PAK1: variants seen among roughly 807,000 people sequenced by gnomAD.
PAK1 encodes p21 (RAC1) activated kinase 1.
PAK1 carries 29 observed loss-of-function variants against 67.4 expected under a neutral mutation model. The observed-to-expected ratio is 0.43, with a 90% CI of 0.32 to 0.59. The LOEUF (loss-of-function observed/expected upper bound fraction) is 0.59, where lower values mean the gene tolerates loss of function less well. Ranked by LOEUF, PAK1 falls within the 20% of genes least tolerant of loss-of-function variation. PAK1 has a pLI of 0.07. For missense variants in PAK1, 337 were observed against 670.7 expected (o/e 0.50, Z 5.50); for synonymous variants, 223 against 237.4 (o/e 0.94, Z 0.56).
At chr11:77,340,558 A>C in intron 11 of PAK1, 88 bp downstream of exon 11, 2 of 762,040 alleles carry the variant, frequency 2.6e-6, no homozygotes, top group South Asian at 2.8e-5. Context: ...CACAGAGCCC[A>C]GGCTGAGATC....
chr11:77,334,184 A>G (rs1457070011), intron 13 of PAK1, among the ~76,000 whole-genome samples: 1 of 147,134 alleles, frequency 6.8e-6, no homozygotes, highest in African/African-American at 2.5e-5. Context: ...AAAAAATAAA[A>G]TAAAAATAAA....
the PAK1 span, among the ~76,000 whole-genome samples, chr11:77,503,807 G>A: frequency 1.5e-4 from 23 of 152,194 alleles, no homozygotes; most frequent in African/African-American, 4.3e-4. Context: ...AGCCATGATC[G>A]CACCACTCAA....
intron 1 of PAK1, among the ~76,000 whole-genome samples, chr11:77,444,583 T>C (rs75036351): frequency 0.011 from 1,645 of 152,332 alleles, 10 homozygotes; most frequent in Middle Eastern, 0.027. Flanking sequence ...AATGGCCATG[T>C]AAGTTAAAAT....
At position 77,331,909 on chromosome 11, in the gene PAK1, A is replaced by G. The variant is rs116587331; in HGVS notation, c.1551+821T>C. Among the ~76,000 whole-genome samples the G allele has an allele frequency of 5.1e-3, 773 of 152,260 alleles. 10 individuals carry two copies. Among genetic ancestry groups the G allele is most frequent in the African/African-American group, 0.017 (722 of 41,552 alleles). ...TCCTTTGAGCTAATCCCAGCAAAAT[A>G]TAAGTTGTGTAAGATTTGGGTGTCA... On this transcript the variant is annotated intron_variant, in intron 14 of 14. Coordinates refer to ENST00000356341, the MANE Select transcript of PAK1 (RefSeq NM_002576.5).
At chr11:77,349,853 G>A (rs951955780) in intron 8 of PAK1, among the ~76,000 whole-genome samples, 4 of 151,896 alleles carry the variant, frequency 2.6e-5, no homozygotes, top group Non-Finnish European at 5.9e-5. Flanking sequence ...ATTTCAGAAT[G>A]TGTTTGGGGG....
rs1048776988 is a variant in PAK1 at position 77,473,797 on chromosome 11, G to A, written c.-267C>T. The stretch of plus-strand genomic sequence containing the variant: ...GGGGGAAGGGGGGACTGAGGGGCGA[G>A]GTGCGAAGGGCTCAGATGGCCTCTG... On this transcript the variant is annotated 5_prime_UTR_variant, in exon 1 of 15. Coordinates refer to ENST00000356341, the MANE Select transcript of PAK1 (RefSeq NM_002576.5). 6.6e-6 allele frequency: 1 copy of A among 151,792 alleles called. No individual in the cohort carries two copies. The highest frequency in any genetic ancestry group is 2.0e-4 in the East Asian group (1 of 5,112). 9.4% of individuals were successfully genotyped at this position (151,792 alleles called of 1,614,324 possible).
chr11:77,473,214 C>T (rs73496888), intron 1 of PAK1, among the ~76,000 whole-genome samples: 4,389 of 152,268 alleles, frequency 0.029, 197 homozygotes, highest in African/African-American at 0.099. Context: ...AAGTTCGGGA[C>T]GGACTCGGTC....
intron 1 of PAK1, among the ~76,000 whole-genome samples, chr11:77,470,119 T>C (rs1275396897): frequency 6.6e-6 from 1 of 152,166 alleles, no homozygotes; most frequent in East Asian, 1.9e-4. Context: ...AAAAATAACA[T>C]GGAGAGGGAT....
At chr11:77,461,477 C>T (rs1278901086) in intron 1 of PAK1, among the ~76,000 whole-genome samples, 4 of 152,184 alleles carry the variant, frequency 2.6e-5, no homozygotes, top group African/African-American at 9.7e-5. Context: ...AATTATTCTA[C>T]TGGTTCTGTT....
intron 11 of PAK1, 58 bp from the exon 12 acceptor site, chr11:77,337,481 C>G: frequency 1.2e-6 from 1 of 849,662 alleles, no homozygotes; most frequent in Admixed American, 2.5e-5. Context: ...ATACAGAAGA[C>G]TTAATAGAAA....
At chr11:77,438,758 T>C (rs910418908) in intron 1 of PAK1, among the ~76,000 whole-genome samples, 12 of 152,212 alleles carry the variant, frequency 7.9e-5, no homozygotes, top group African/African-American at 2.9e-4. Context: ...GTGTATGACA[T>C]TGGGCAGATG....
the PAK1 span, among the ~76,000 whole-genome samples, chr11:77,501,855 A>C: frequency 6.6e-6 from 1 of 152,192 alleles, no homozygotes; most frequent in Admixed American, 6.5e-5. Context: ...GTCTAGCTAG[A>C]TAGAGTTAAA....
chr11:77,489,386 CCTCCTCTCTCCTCT>C, the PAK1 span, among the ~76,000 whole-genome samples: 37 of 148,794 alleles, frequency 2.5e-4, no homozygotes, highest in Non-Finnish European at 4.0e-4. Context: ...ATCTCCCCTC[CCTCCTCTCTCCTCT>C]CTCCTCTCTC....
chr11:77,429,098 A>ACC (rs1955738872), intron 1 of PAK1, among the ~76,000 whole-genome samples: 1 of 137,178 alleles, frequency 7.3e-6, no homozygotes, highest in Non-Finnish European at 1.5e-5. Context: ...AAAAAAACAC[A>ACC]CACACACACA....
At chr11:77,430,632 G>T (rs561867376) in intron 1 of PAK1, among the ~76,000 whole-genome samples, 1 of 152,316 alleles carries the variant, frequency 6.6e-6, no homozygotes, top group East Asian at 1.9e-4. Flanking sequence ...AAATATAATA[G>T]AAAGAATATG....
At chr11:77,485,346 G>A in the PAK1 span, among the ~76,000 whole-genome samples, 46 of 152,186 alleles carry the variant, frequency 3.0e-4, no homozygotes, top group Non-Finnish European at 5.9e-4. Flanking sequence ...CATAAAGGAC[G>A]AATGCTTAAG....
chr11:77,488,811 CA>C, the PAK1 span, among the ~76,000 whole-genome samples: 7 of 151,958 alleles, frequency 4.6e-5, no homozygotes, highest in Non-Finnish European at 8.8e-5. Context: ...AAAAGAGCCT[CA>C]AAAGGTCAAA....
chr11:77,344,071 T>C lies in PAK1; in HGVS notation c.886-140A>G, dbSNP rs921954153. 1.3e-5 allele frequency: 8 copies of C among 617,676 alleles called. No homozygotes were observed. The Admixed American group carries it at 1.8e-4, about 14-fold the overall frequency. 38.3% of individuals were successfully genotyped at this position (617,676 alleles called of 1,614,324 possible). On this transcript the variant is annotated intron_variant, in intron 9 of 14. Transcript: ENST00000356341. The stretch of plus-strand genomic sequence containing the variant: ...GCCCTCGAGTAATTCACAGTTTGTC[T>C]ATGTAGACCAGTGGTCTTCAAAGTG...
At chr11:77,345,872 G>C (rs1419219899) in intron 9 of PAK1, among the ~76,000 whole-genome samples, 1 of 152,234 alleles carries the variant, frequency 6.6e-6, no homozygotes, top group Non-Finnish European at 1.5e-5. Context: ...TGGAGGATGG[G>C]ACACTGCTTA....
Sources: gnomAD v4.1 joint callset for allele counts (sites outside exome capture counted in the v4.1 genomes callset) on GRCh38, gnomAD v4.1.1 for gene constraint, MANE v1.5 for transcripts, NCBI Gene and HGNC (gene_info 2026-07-23, HGNC 2026-07-21) for gene names.